NAPRT: variants seen among roughly 807,000 people sequenced by gnomAD.
NAPRT encodes FHA-HIT-interacting protein.
NAPRT carries 66 observed loss-of-function variants against 60.7 expected under a neutral mutation model. The observed-to-expected ratio is 1.09, with a 90% CI of 0.89 to 1.33. The LOEUF (loss-of-function observed/expected upper bound fraction) is 1.33. Among genes scored for constraint, NAPRT ranks in the 40% most tolerant of loss-of-function variants. NAPRT has a pLI of 0.00. For missense variants in NAPRT, 818 were observed against 731.5 expected (o/e 1.12, Z -1.36); for synonymous variants, 405 against 335.7 (o/e 1.21, Z -2.26).
chr8:143,578,145 G>C lies in NAPRT; in HGVS notation c.174C>G (p.Ala58=). 3.9e-6 allele frequency: 6 copies of C among 1,521,596 alleles called. No individual in the cohort carries two copies. The highest frequency in any genetic ancestry group is 5.3e-6 in the Non-Finnish European group (6 of 1,140,652). 94.3% of individuals were successfully genotyped at this position (1,521,596 alleles called of 1,614,324 possible). A position where few individuals can be genotyped will look rare whatever the true frequency, so the allele number is the denominator to read the frequency against. The part of the protein sequence containing the change: ...CPFGGAFALA[A]GLRDCVRFLR... ...GGAAGCGCACACAGTCGCGCAAGCC[G>C]GCGGCCAAGGCGAAGGCGCCGCCGA... Residue 58 remains alanine, a synonymous_variant, in exon 1 of 13, where the codon GCC becomes GCG. Coordinates refer to ENST00000449291, the MANE Select transcript of NAPRT (RefSeq NM_145201.6).
chr8:143,573,537 G>A (rs1294299016), downstream of NAPRT: 2 of 152,190 alleles, frequency 1.3e-5, no homozygotes, highest in African/African-American at 4.8e-5. Flanking sequence ...GGCCATGTAA[G>A]ACCTGCCCGC....
rs775628849 is a variant in NAPRT, at chr8:143,577,749, G to A, written c.355-10C>T. On this transcript the variant is annotated splice_polypyrimidine_tract_variant and intron_variant, in intron 2 of 12. Coordinates refer to ENST00000449291, the MANE Select transcript of NAPRT (RefSeq NM_145201.6). ...CCTGCAGGAGCGGCACCTGCGGGGA[G>A]AGAAGTCAGCTCCGCGCTCGGCCCA... is the stretch of plus-strand genomic sequence containing the variant. The A allele has an allele frequency of 7.1e-6, 11 of 1,555,182 alleles. No homozygotes were observed. The highest frequency in any genetic ancestry group is 4.1e-5 in the African/African-American group (3 of 73,644).
intron 9 of NAPRT, 35 bp from the exon 10 acceptor site, chr8:143,575,560 AT>A (rs779119678): frequency 3.1e-6 from 5 of 1,592,358 alleles, no homozygotes; most frequent in Non-Finnish European, 4.3e-6. Flanking sequence ...GCTGGTCCTT[AT>A]CCCCCACCCA....
rs758200034 is a variant in NAPRT, at chr8:143,576,464, C to T, written c.990G>A (p.Glu330=). 3.1e-6 allele frequency: 5 copies of T among 1,611,428 alleles called. No homozygotes were observed. Among genetic ancestry groups the T allele is most frequent in the Admixed American group, 1.7e-5 (1 of 59,888 alleles). ...CAGCAGCTCGGAAGACCTTGCGGAT[C>T]TCCTGAGCCTGCTGTAGCAGGTCAC... ...DSGDLLQQAQ[E]IRKVFRAAAA... The change falls in exon 7 of 13, where the codon GAG becomes GAA. Residue 330 remains glutamate (E), a synonymous_variant. Coordinates refer to ENST00000449291, the MANE Select transcript of NAPRT (RefSeq NM_145201.6).
downstream of NAPRT, chr8:143,574,617 G>C (rs975955864): frequency 9.6e-6 from 6 of 627,976 alleles, no homozygotes; most frequent in Middle Eastern, 4.3e-4. Flanking sequence ...ACTGCCCTTC[G>C]GGCTTCAGCA....
rs376938314 is a variant in NAPRT at position 143,577,173 on chromosome 8, G to A, written c.573C>T (p.Phe191=). 2.7e-4 allele frequency: 435 copies of A among 1,611,370 alleles called. No homozygotes were observed. Among genetic ancestry groups the A allele is most frequent in the Non-Finnish European group, 3.4e-4 (404 of 1,178,950 alleles). Reference sequence around the variant, plus strand: ...CCGCTAGCACGTTGCTGCTGCTGTCGAAGCCTGGGGAGGAAGGCGGTGGGA... The same window carrying A: ...CCGCTAGCACGTTGCTGCTGCTGTCAAAGCCTGGGGAGGAAGGCGGTGGGA... ...TASTYSYLGG[F]DSSSNVLAGQ... is the part of the protein sequence containing the mutation. The change falls in exon 5 of 13, where the codon TTC becomes TTT. Residue 191 remains phenylalanine, a synonymous_variant. Transcript: ENST00000449291.
In NAPRT at chr8:143,578,099, C is replaced by T; in HGVS notation, c.220G>A (p.Asp74Asn). The T allele has an allele frequency of 6.6e-7, 1 of 1,523,198 alleles. No homozygotes were observed. The highest frequency in any genetic ancestry group is 8.8e-7 in the Non-Finnish European group (1 of 1,142,602). 94.4% of individuals were successfully genotyped at this position (1,523,198 alleles called of 1,614,324 possible). The change falls in exon 1 of 13, where the codon GAC (aspartate) becomes AAC (asparagine). Residue 74 changes from aspartate to asparagine, a missense_variant. Coordinates refer to ENST00000449291, the MANE Select transcript of NAPRT (RefSeq NM_145201.6). Reference sequence around the variant, plus strand: ...CGCGCGGACGGGGGACTACCGGCGTCCCGCAGGCGGAAGGCGCGCAGGAAG... The same window carrying T: ...CGCGCGGACGGGGGACTACCGGCGTTCCGCAGGCGGAAGGCGCGCAGGAAG... ...VRFLRAFRLR[D>N]ADVQFLASVL... is the part of the protein sequence containing the mutation.
intron 2 of NAPRT, 38 bp downstream of exon 2, chr8:143,577,778 C>G (rs1213369163): frequency 6.4e-7 from 1 of 1,574,686 alleles, no homozygotes; most frequent in Non-Finnish European, 8.6e-7. Context: ...CGGCCCAGCA[C>G]CCCGTGGCCG....
downstream of NAPRT, chr8:143,573,059 G>C: frequency 3.0e-6 from 1 of 333,566 alleles, no homozygotes; most frequent in South Asian, 5.7e-5. Context: ...AGGGAGCTCA[G>C]GGCAGTTGTG....
intron 5 of NAPRT, 42 bp from the exon 6 acceptor site, chr8:143,576,884 G>A (rs2130695958): frequency 2.6e-6 from 4 of 1,559,830 alleles, no homozygotes; most frequent in Non-Finnish European, 3.5e-6. Context: ...CAGGAATGCA[G>A]GATGAGGCCT....
chr8:143,574,517 G>A (rs1380176321), downstream of NAPRT: 2 of 540,812 alleles, frequency 3.7e-6, no homozygotes, highest in African/African-American at 1.9e-5. Context: ...CAACTCCAAG[G>A]CAGACACCAA....
rs141565399 is a variant in NAPRT, at chr8:143,575,310, C to G, written c.1327G>C (p.Glu443Gln). Reference sequence around the variant, plus strand: ...TCCTGCCCAGCCTGTGGCACTGGCTCTTCTGCTAACTGCAGCATGTCCATG... The same window carrying G: ...TCCTGCCCAGCCTGTGGCACTGGCTGTTCTGCTAACTGCAGCATGTCCATG... ...PLMDMLQLAEEPVPQAGQELR... is the reference protein window; with the variant it reads ...PLMDMLQLAEQPVPQAGQELR... Residue 443 changes from glutamate to glutamine, a missense_variant, in exon 11 of 13, where the codon GAG becomes CAG. Glu to Gln is a conservative substitution (Grantham distance 29). Coordinates refer to ENST00000449291, the MANE Select transcript of NAPRT (RefSeq NM_145201.6). 436 of 1,612,776 alleles carry G rather than the reference C, an allele frequency of 2.7e-4. No individual in the cohort carries two copies. Among genetic ancestry groups the G allele is most frequent in the Admixed American group, 3.2e-4 (19 of 60,018 alleles).
Position 143,577,824 on chromosome 8 carries a change from A to C in NAPRT, c.346T>G (p.Phe116Val), listed in dbSNP as rs749485118. 5.6e-6 allele frequency: 9 copies of C among 1,608,378 alleles called. No individual in the cohort carries two copies. The highest frequency in any genetic ancestry group is 7.6e-6 in the Non-Finnish European group (9 of 1,178,420). Residue 116 changes from phenylalanine (F) to valine (V), a missense_variant, in exon 2 of 13, where the codon TTC (phenylalanine) becomes GTC (valine). Physicochemically the swap from Phe to Val is conservative, Grantham distance 50 (BLOSUM62 -1). Coordinates refer to ENST00000449291, the MANE Select transcript of NAPRT (RefSeq NM_145201.6). ...CGCTTACCCCTACTCACTCCGGGGA[A>C]GGCGAGGGAGCCCTCGGGCAGGGCT... ...VRALPEGSLA[F>V]PGVPLLQVSG...
chr8:143,576,712 A>G lies in NAPRT; in HGVS notation c.815T>C (p.Phe272Ser). 1 of 1,610,282 alleles carries G rather than the reference A, an allele frequency of 6.2e-7. No homozygotes were observed. Among genetic ancestry groups the G allele is most frequent in the Non-Finnish European group, 8.5e-7 (1 of 1,179,410 alleles). ...QEPHPGERAA[F>S]VAYALAFPRA... is the part of the protein sequence containing the mutation. ...GGGAAAAGCCAAGGCATAGGCCACA[A>G]AGGCTGCCCGCTCGCCTGGATGCGG... The change falls in exon 6 of 13, where the codon TTT (phenylalanine) becomes TCT (serine). Residue 272 changes from phenylalanine (F) to serine (S), a missense_variant. Physicochemically the swap from Phe to Ser is radical, Grantham distance 155. Transcript: ENST00000449291.
intron 4 of NAPRT, 39 bp from the exon 5 acceptor site, chr8:143,577,216 A>T (rs767869574): frequency 3.1e-6 from 5 of 1,605,064 alleles, no homozygotes; most frequent in Non-Finnish European, 4.3e-6. Flanking sequence ...ACCTCGGGCC[A>T]AGATGGGGCT....
intron 3 of NAPRT, 62 bp from the exon 4 acceptor site, chr8:143,577,461 G>A (rs956177961): frequency 6.5e-7 from 1 of 1,536,946 alleles, no homozygotes; most frequent in Non-Finnish European, 8.8e-7. Flanking sequence ...CCAAGACGGC[G>A]GTTACCTGGG....
rs1287118044 is a variant in NAPRT at position 143,576,226 on chromosome 8, C to T, written c.1023-64G>A. 18 of 1,458,790 alleles carry T rather than the reference C, an allele frequency of 1.2e-5. No homozygotes were observed. The East Asian group carries it at 1.7e-4, about 13-fold the overall frequency. The allele number at this position is 1,458,790 out of a possible 1,614,324, so 90.4% of individuals were successfully genotyped here. A position where few individuals can be genotyped will look rare whatever the true frequency, so the allele number is the denominator to read the frequency against. On this transcript the variant is annotated intron_variant, in intron 7 of 12. Coordinates refer to ENST00000449291, the MANE Select transcript of NAPRT (RefSeq NM_145201.6). ...GGGTCTTCCTGATTCACCCTGGTGT[C>T]CCCCTGCTCCCCGCCCCGCCTCAGT... is the stretch of plus-strand genomic sequence containing the variant.
At position 143,575,496 on chromosome 8, in the gene NAPRT, C is replaced by T. The variant is rs1824375226; in HGVS notation, c.1218G>A (p.Met406Ile). The change falls in exon 10 of 13, where the codon ATG (methionine) becomes ATA (isoleucine). Residue 406 changes from methionine (M) to isoleucine (I), a missense_variant. Physicochemically the swap from Met to Ile is conservative, Grantham distance 10. Transcript: ENST00000449291. ...KLVAVGGQPRMKLTEDPEKQT... is the reference protein window; with the variant it reads ...KLVAVGGQPRIKLTEDPEKQT... ...GCTTCTCGGGGTCCTCGGTCAGCTT[C>T]ATTCGTGGCTGGCCCCCCACGGCCA... 6.3e-7 allele frequency: 1 copy of T among 1,599,756 alleles called. No individual in the cohort carries two copies. Among genetic ancestry groups the T allele is most frequent in the Admixed American group, 1.7e-5 (1 of 59,800 alleles).
intron 5 of NAPRT, 47 bp from the exon 6 acceptor site, chr8:143,576,889 A>T: frequency 6.5e-7 from 1 of 1,549,624 alleles, no homozygotes; most frequent in Non-Finnish European, 8.8e-7. Context: ...ATGCAGGATG[A>T]GGCCTGGGAG....
Sources: allele counts gnomAD v4.1 joint callset, GRCh38; gene constraint gnomAD v4.1.1; transcripts MANE v1.5; gene names NCBI Gene and HGNC (gene_info 2026-07-23, HGNC 2026-07-21).